The following KALRN variants were observed in gnomAD, a reference collection of about 807,000 sequenced individuals.
KALRN encodes kalirin.
A neutral mutation model predicts 353.7 loss-of-function variants in KALRN; 70 were observed. The observed-to-expected ratio is 0.20, with a 90% CI of 0.16 to 0.24. The LOEUF is 0.24. Ranked by LOEUF, KALRN falls within the 10% of genes least tolerant of loss-of-function variation. The pLI is 1.00. For synonymous variants in KALRN, 1,391 were observed against 1,434.8 expected, an observed-to-expected ratio of 0.97 and a Z score of 0.69; for missense variants, 2,791 against 3,756.7, an observed-to-expected ratio of 0.74 and a Z score of 6.72.
At chr3:124,347,055 G>A in intron 9 of KALRN, 88 bp from the exon 10 acceptor site, 2 of 1,586,060 alleles carry the variant, frequency 1.3e-6, no homozygotes. Context: ...GGATATAGGG[G>A]TGGTTAGGAC....
At chr3:124,203,078 C>G (rs1377526635) in intron 1 of KALRN, among the ~76,000 whole-genome samples, 1 of 152,170 alleles carries the variant, frequency 6.6e-6, no homozygotes, top group African/African-American at 2.4e-5. Context: ...GGGAAGTTCC[C>G]ACTCCTCCTT....
intron 10 of KALRN, 83 bp from the exon 11 acceptor site, chr3:124,384,762 C>T: frequency 4.4e-6 from 6 of 1,362,352 alleles, no homozygotes; most frequent in South Asian, 1.4e-5. Context: ...CACGCCCCTC[C>T]GCTTCAGCTC....
chr3:124,696,768 A>G (rs2062072719), intron 54 of KALRN, among the ~76,000 whole-genome samples: 1 of 152,216 alleles, frequency 6.6e-6, no homozygotes, highest in African/African-American at 2.4e-5. Flanking sequence ...TTTTTGGGTT[A>G]CCATCACCAC....
At chr3:124,569,018 AG>A (rs2073202739) in intron 34 of KALRN, among the ~76,000 whole-genome samples, 1 of 152,210 alleles carries the variant, frequency 6.6e-6, no homozygotes, top group Non-Finnish European at 1.5e-5. Flanking sequence ...CTTCTGCCCC[AG>A]GCTCCAATAA....
At chr3:124,379,524 T>C (rs1344081418) in intron 10 of KALRN, among the ~76,000 whole-genome samples, 2 of 152,188 alleles carry the variant, frequency 1.3e-5, no homozygotes, top group Admixed American at 1.3e-4. Flanking sequence ...TGGAAAAAAA[T>C]TGATCTGTTC....
intron 3 of KALRN, among the ~76,000 whole-genome samples, chr3:124,235,406 T>C (rs1041610121): frequency 3.3e-5 from 5 of 152,162 alleles, no homozygotes; most frequent in African/African-American, 9.7e-5. Context: ...AAAGGCTCCT[T>C]CGGGGCCTAG....
At chr3:124,682,286 C>T (rs2061376148) in intron 51 of KALRN, among the ~76,000 whole-genome samples, 1 of 152,176 alleles carries the variant, frequency 6.6e-6, no homozygotes, top group South Asian at 2.1e-4. Context: ...CCCAGCCTGG[C>T]CCCCAACCTC....
chr3:124,410,778 T>C (rs942728142), intron 13 of KALRN, among the ~76,000 whole-genome samples: 1 of 152,194 alleles, frequency 6.6e-6, no homozygotes, highest in Admixed American at 6.5e-5. Context: ...TTTGAGGAAA[T>C]CTGATGGTTC....
At chr3:124,099,993 A>G (rs916536734) in intron 1 of KALRN, among the ~76,000 whole-genome samples, 35 of 152,040 alleles carry the variant, frequency 2.3e-4, no homozygotes, top group African/African-American at 8.2e-4. Flanking sequence ...GTGAAACTCC[A>G]TCTCTACTAA....
At chr3:124,439,528 A>G (rs1440279562) in intron 18 of KALRN, among the ~76,000 whole-genome samples, 1 of 152,232 alleles carries the variant, frequency 6.6e-6, no homozygotes. Flanking sequence ...AGTAATATCA[A>G]AAACATATAA....
At chr3:124,570,760 A>G (rs765229365) in intron 34 of KALRN, among the ~76,000 whole-genome samples, 4 of 152,224 alleles carry the variant, frequency 2.6e-5, no homozygotes, top group Non-Finnish European at 4.4e-5. Context: ...TACTCTTTTT[A>G]TAACTGGATA....
At chr3:124,714,761 A>C (rs761802882) in intron 58 of KALRN, among the ~76,000 whole-genome samples, 8 of 152,224 alleles carry the variant, frequency 5.3e-5, no homozygotes, top group Non-Finnish European at 8.8e-5. Flanking sequence ...CACGCCTGTA[A>C]TTCTAGCACT....
intron 13 of KALRN, among the ~76,000 whole-genome samples, chr3:124,402,090 T>TACCCTGCATCTGAGGAATCTAA: frequency 6.6e-6 from 1 of 152,308 alleles, no homozygotes; most frequent in South Asian, 2.1e-4. Context: ...GGAGGACTGC[T>TACCCTGCATCTGAGGAATCTAA]ACCCTGCATC....
chr3:124,495,996 T>TATACATATATATATAC (rs1561137125), intron 32 of KALRN, among the ~76,000 whole-genome samples: 1 of 57,450 alleles, frequency 1.7e-5, no homozygotes, highest in African/African-American at 9.1e-5. Flanking sequence ...TATATATATA[T>TATACATATATATATAC]ATATATATAT....
At position 124,168,295 on chromosome 3, in the gene KALRN, G is replaced by T. The variant is rs190757141; in HGVS notation, c.74-59695G>T. ...AATGCATTAGATATAAAGGCCACTT[G>T]CTCCTGGACCCTCCTTGACTTCCAT... On this transcript the variant is annotated intron_variant, in intron 1 of 59. Transcript: ENST00000682506. Among the ~76,000 whole-genome samples, 11 of 152,356 alleles carry T rather than the reference G, an allele frequency of 7.2e-5. No homozygotes were observed. In the East Asian group the frequency reaches 1.7e-3, roughly 24 times the overall value.
At chr3:124,507,593 C>G (rs2065375811) in intron 33 of KALRN, among the ~76,000 whole-genome samples, 1 of 152,090 alleles carries the variant, frequency 6.6e-6, no homozygotes, top group Non-Finnish European at 1.5e-5. Flanking sequence ...GACCAGATAC[C>G]ACGGAGATTC....
chr3:124,501,552 A>G (rs1311099875), intron 33 of KALRN, among the ~76,000 whole-genome samples: 1 of 152,202 alleles, frequency 6.6e-6, no homozygotes, highest in African/African-American at 2.4e-5. Flanking sequence ...GCTTTATAAT[A>G]AGCCGTAGCA....
chr3:124,346,117 C>T (rs1051959434), intron 9 of KALRN, among the ~76,000 whole-genome samples: 1 of 152,148 alleles, frequency 6.6e-6, no homozygotes, highest in African/African-American at 2.4e-5. Flanking sequence ...TGTGTCTATA[C>T]TGTAATTCTG....
At chr3:124,646,734 C>T (rs558999779) in intron 37 of KALRN, among the ~76,000 whole-genome samples, 45 of 150,278 alleles carry the variant, frequency 3.0e-4, no homozygotes, top group East Asian at 7.8e-4. Context: ...TCTTTTCTGA[C>T]GAATATAAGA....
Sources: gnomAD v4.1 joint callset for allele counts (sites outside exome capture counted in the v4.1 genomes callset) on GRCh38, gnomAD v4.1.1 for gene constraint, MANE v1.5 for transcripts, NCBI Gene and HGNC (gene_info 2026-07-23, HGNC 2026-07-21) for gene names.